Variants in SNTG1 observed in about 807,000 individuals in gnomAD.
SNTG1 encodes the protein syntrophin gamma 1.
A neutral mutation model predicts 74.7 loss-of-function variants in SNTG1; 39 were observed. The ratio of observed to expected loss-of-function variants is 0.52; its 90% CI spans 0.40 to 0.68. The LOEUF is 0.68. Ranked by LOEUF, SNTG1 falls within the 30% of genes least tolerant of loss-of-function variation. The pLI is 0.00. For synonymous variants in SNTG1, 254 were observed against 217.1 expected (o/e 1.17, Z -1.49); for missense variants, 685 against 609.5 (o/e 1.12, Z -1.30).
chr8:50,480,752 T>C (rs1280733406), intron 8 of SNTG1, among the ~76,000 whole-genome samples: 2 of 152,218 alleles, frequency 1.3e-5, no homozygotes, highest in African/African-American at 4.8e-5. Flanking sequence ...CTATATTGCA[T>C]GATTTAATAA....
intron 1 of SNTG1, among the ~76,000 whole-genome samples, chr8:50,063,937 A>G (rs987113511): frequency 6.6e-6 from 1 of 152,212 alleles, no homozygotes; most frequent in African/African-American, 2.4e-5. Context: ...ATGAGGATTC[A>G]CAACACAAAC....
chr8:50,463,154 C>T (rs1202715817), intron 8 of SNTG1, among the ~76,000 whole-genome samples: 3 of 152,172 alleles, frequency 2.0e-5, no homozygotes, highest in South Asian at 2.1e-4. Flanking sequence ...GCTATTTCCA[C>T]TGTTTGTTGT....
chr8:50,219,009 G>A (rs1170305056), intron 2 of SNTG1, among the ~76,000 whole-genome samples: 7 of 152,078 alleles, frequency 4.6e-5, no homozygotes, highest in Non-Finnish European at 1.0e-4. Context: ...AATCAGTATG[G>A]GAATCTCCCA....
chr8:50,688,340 G>T (rs144344037), intron 15 of SNTG1, among the ~76,000 whole-genome samples: 1 of 151,994 alleles, frequency 6.6e-6, no homozygotes, highest in African/African-American at 2.4e-5. Flanking sequence ...CCATGCCTAT[G>T]TCCTGAATGG....
At chr8:50,485,919 A>G (rs1186011116) in intron 8 of SNTG1, among the ~76,000 whole-genome samples, 5 of 151,028 alleles carry the variant, frequency 3.3e-5, no homozygotes, top group Non-Finnish European at 4.5e-5. Flanking sequence ...ACCATTTATT[A>G]AATAGGGAAT....
intron 18 of SNTG1, among the ~76,000 whole-genome samples, chr8:50,779,337 G>A (rs868224298): frequency 7.8e-4 from 119 of 152,108 alleles, no homozygotes; most frequent in African/African-American, 2.6e-3. Flanking sequence ...ACCCATGAGG[G>A]TGGAATGTTC....
At chr8:49,986,748 G>T in intron 1 of SNTG1, among the ~76,000 whole-genome samples, 1 of 151,326 alleles carries the variant, frequency 6.6e-6, no homozygotes. Flanking sequence ...AGGTGTTGTG[G>T]TGCATGCCTG....
chr8:50,601,255 C>G (rs2094773036), intron 13 of SNTG1, among the ~76,000 whole-genome samples: 1 of 144,212 alleles, frequency 6.9e-6, no homozygotes, highest in African/African-American at 2.6e-5. Flanking sequence ...TATGTAGGCA[C>G]TTATAGCTAT....
At chr8:50,592,629 T>C (rs2094699288) in intron 13 of SNTG1, among the ~76,000 whole-genome samples, 1 of 150,126 alleles carries the variant, frequency 6.7e-6, no homozygotes, top group Non-Finnish European at 1.5e-5. Flanking sequence ...CACTATAATA[T>C]TCTGACACAT....
At chr8:50,635,806 A>G (rs1010112047) in intron 13 of SNTG1, among the ~76,000 whole-genome samples, 1 of 152,124 alleles carries the variant, frequency 6.6e-6, no homozygotes, top group African/African-American at 2.4e-5. Context: ...CTGGTACAAA[A>G]GCTGTAAGAC....
chr8:50,200,398 G>C (rs11781981), intron 2 of SNTG1, among the ~76,000 whole-genome samples: 41,957 of 151,966 alleles, frequency 0.28, 5,887 homozygotes, highest in Middle Eastern at 0.4. Context: ...GAAAGTAAAT[G>C]ATCATAGAAA....
At chr8:50,146,799 T>A (rs551229886) in intron 1 of SNTG1, among the ~76,000 whole-genome samples, 2 of 152,338 alleles carry the variant, frequency 1.3e-5, no homozygotes, top group East Asian at 3.9e-4. Context: ...TTTATATTAT[T>A]ATTTGCCATT....
At chr8:50,004,051 G>A (rs1167063220) in intron 1 of SNTG1, among the ~76,000 whole-genome samples, 1 of 152,124 alleles carries the variant, frequency 6.6e-6, no homozygotes, top group African/African-American at 2.4e-5. Context: ...TGAGTAGCAT[G>A]TATATACGGG....
intron 17 of SNTG1, among the ~76,000 whole-genome samples, chr8:50,715,160 C>T (rs1397307039): frequency 5.3e-5 from 8 of 152,154 alleles, no homozygotes; most frequent in Admixed American, 5.2e-4. Context: ...CTAGCATTTA[C>T]TCCTCCTGCT....
At chr8:50,307,411 T>C (rs1013799363) in intron 2 of SNTG1, among the ~76,000 whole-genome samples, 3 of 152,082 alleles carry the variant, frequency 2.0e-5, no homozygotes, top group African/African-American at 7.2e-5. Flanking sequence ...TGTAGTGGTA[T>C]TGCATTATAA....
chr8:50,482,882 G>T (rs1339343961), intron 8 of SNTG1, among the ~76,000 whole-genome samples: 1 of 152,118 alleles, frequency 6.6e-6, no homozygotes, highest in Non-Finnish European at 1.5e-5. Context: ...TGACATCTGA[G>T]CCTGAAGCTC....
At chr8:50,737,002 A>T (rs1215875452) in intron 17 of SNTG1, among the ~76,000 whole-genome samples, 3 of 152,092 alleles carry the variant, frequency 2.0e-5, no homozygotes, top group African/African-American at 7.2e-5. Flanking sequence ...AATTAAAAGA[A>T]CTAGAGAAGT....
intron 2 of SNTG1, among the ~76,000 whole-genome samples, chr8:50,384,331 T>TCC (rs1554510170): frequency 1.3e-5 from 2 of 152,206 alleles, no homozygotes; most frequent in Non-Finnish European, 2.9e-5. Context: ...AGTGCCTTGA[T>TCC]CAGAAGAAAT....
intron 10 of SNTG1, among the ~76,000 whole-genome samples, chr8:50,533,068 G>T (rs569958662): frequency 6.8e-4 from 104 of 152,284 alleles, no homozygotes; most frequent in Non-Finnish European, 1.2e-3. Flanking sequence ...TCCTTCTAAA[G>T]ATGCGCGACA....
Sources: gnomAD v4.1 joint callset for allele counts (sites outside exome capture counted in the v4.1 genomes callset) on GRCh38, gnomAD v4.1.1 for gene constraint, MANE v1.5 for transcripts, NCBI Gene and HGNC (gene_info 2026-07-23, HGNC 2026-07-21) for gene names.